The following SLC24A2 variants were observed in gnomAD, a reference collection of about 807,000 sequenced individuals.
The protein encoded by SLC24A2 is sodium/potassium/calcium exchanger 2.
SLC24A2 carries 36 observed loss-of-function variants against 62.0 expected under a neutral mutation model. The observed-to-expected ratio is 0.58, with a 90% CI of 0.44 to 0.77. SLC24A2 has a LOEUF of 0.77. SLC24A2 is among the 30% of genes least tolerant of loss of function. The probability of loss-of-function intolerance (pLI) is 0.00; values close to 1 mark genes in which losing one functional copy is unlikely to be tolerated. For missense variants in SLC24A2, 846 were observed against 817.9 expected (o/e 1.03, Z -0.42); for synonymous variants, 358 against 294.0 (o/e 1.22, Z -2.23).
chr9:19,761,363 G>C (rs957842469), intron 2 of SLC24A2, among the ~76,000 whole-genome samples: 13 of 152,166 alleles, frequency 8.5e-5, no homozygotes, highest in Non-Finnish European at 4.4e-5. Context: ...TAAGTGGCGT[G>C]AGATGGTATC....
At chr9:19,559,126 A>G (rs563223707) in intron 7 of SLC24A2, among the ~76,000 whole-genome samples, 42 of 152,358 alleles carry the variant, frequency 2.8e-4, no homozygotes, top group African/African-American at 1.0e-3. Context: ...ACACTCAAAC[A>G]TTCAAACAAA....
the SLC24A2 span, among the ~76,000 whole-genome samples, chr9:20,062,200 G>C: frequency 6.6e-6 from 1 of 152,190 alleles, no homozygotes; most frequent in South Asian, 2.1e-4. Flanking sequence ...CTGCACCTTA[G>C]CCTGCGTGAC....
the SLC24A2 span, among the ~76,000 whole-genome samples, chr9:20,131,843 G>C: frequency 6.6e-6 from 1 of 152,090 alleles, no homozygotes; most frequent in African/African-American, 2.4e-5. Flanking sequence ...CAGGTTTAGT[G>C]TCATAAGAGA....
At chr9:19,598,417 A>G (rs1038229507) in intron 4 of SLC24A2, among the ~76,000 whole-genome samples, 1 of 152,202 alleles carries the variant, frequency 6.6e-6, no homozygotes, top group African/African-American at 2.4e-5. Context: ...CGTGTATTTC[A>G]TATTTGTATG....
At chr9:20,138,868 C>T in the SLC24A2 span, among the ~76,000 whole-genome samples, 2 of 152,196 alleles carry the variant, frequency 1.3e-5, no homozygotes, top group Admixed American at 1.3e-4. Context: ...AGTCATTTCG[C>T]TCCCAGGCGA....
chr9:20,064,560 G>T, the SLC24A2 span, among the ~76,000 whole-genome samples: 1 of 152,126 alleles, frequency 6.6e-6, no homozygotes, highest in Non-Finnish European at 1.5e-5. Flanking sequence ...ATTTACACAG[G>T]CTACTGTGCT....
intron 10 of SLC24A2, among the ~76,000 whole-genome samples, chr9:19,520,081 G>A (rs1833116610): frequency 6.6e-6 from 1 of 152,100 alleles, no homozygotes; most frequent in Non-Finnish European, 1.5e-5. Flanking sequence ...AAAACAATAT[G>A]GTCATGGAAA....
At chr9:19,644,067 AC>A (rs1488414266) in intron 2 of SLC24A2, among the ~76,000 whole-genome samples, 1 of 152,258 alleles carries the variant, frequency 6.6e-6, no homozygotes, top group Non-Finnish European at 1.5e-5. Context: ...ATTCCTGTTC[AC>A]CTCAACATCT....
rs572919824 is a variant in SLC24A2 at position 19,525,391 on chromosome 9, C to CTTTTT, written c.1569+2653_1569+2657dup. 9.6e-3 allele frequency among the ~76,000 whole-genome samples: 736 copies of CTTTTT among 76,332 alleles called. 58 individuals are homozygous for CTTTTT. The highest frequency in any genetic ancestry group is 0.024 in the East Asian group (57 of 2,366). The allele number at this position is 76,332 out of a possible 152,430, so 50.1% of individuals were successfully genotyped here. On this transcript the variant is annotated intron_variant, in intron 9 of 10. Transcript: ENST00000341998. ...AAGGTTTTTTTTTCCTATTTCTTTA[C>CTTTTT]TTTTTTTTTTTTTTTTTTTTTTTTT...
chr9:20,151,747 T>C, the SLC24A2 span, among the ~76,000 whole-genome samples: 1 of 151,782 alleles, frequency 6.6e-6, no homozygotes, highest in Non-Finnish European at 1.5e-5. Flanking sequence ...AGAGTAGCTC[T>C]CAGCTCTCAA....
At chr9:19,649,099 T>A (rs1818728639) in intron 2 of SLC24A2, among the ~76,000 whole-genome samples, 1 of 149,354 alleles carries the variant, frequency 6.7e-6, no homozygotes, top group Non-Finnish European at 1.5e-5. Context: ...AGGTCAAGGA[T>A]CAGTCAGACC....
chr9:19,527,790 A>G (rs1833508531), intron 9 of SLC24A2, among the ~76,000 whole-genome samples: 1 of 152,170 alleles, frequency 6.6e-6, no homozygotes, highest in Non-Finnish European at 1.5e-5. Context: ...GGTGTCTGTC[A>G]GGCTGCAGAG....
At chr9:20,034,757 C>G in the SLC24A2 span, among the ~76,000 whole-genome samples, 2 of 152,120 alleles carry the variant, frequency 1.3e-5, no homozygotes, top group East Asian at 3.9e-4. Flanking sequence ...CGTGAGCCAC[C>G]GCGCCCGGCC....
the SLC24A2 span, among the ~76,000 whole-genome samples, chr9:19,985,819 A>G: frequency 6.6e-6 from 1 of 152,126 alleles, no homozygotes; most frequent in Admixed American, 6.5e-5. Context: ...TAAAACTATA[A>G]AACTCTTGGG....
chr9:20,210,886 T>C, the SLC24A2 span, among the ~76,000 whole-genome samples: 2 of 151,892 alleles, frequency 1.3e-5, no homozygotes, highest in Non-Finnish European at 2.9e-5. Context: ...AAATTTGACA[T>C]GTGATTATCA....
chr9:19,852,151 T>A, the SLC24A2 span, among the ~76,000 whole-genome samples: 1 of 152,216 alleles, frequency 6.6e-6, no homozygotes, highest in African/African-American at 2.4e-5. Context: ...TCTATTCATG[T>A]CCTTTGCCCA....
At chr9:20,260,643 T>C in the SLC24A2 span, among the ~76,000 whole-genome samples, 13 of 152,052 alleles carry the variant, frequency 8.5e-5, no homozygotes, top group African/African-American at 3.1e-4. Context: ...CTCCATTGCT[T>C]TTATTTTTTT....
chr9:19,932,158 G>C, the SLC24A2 span, among the ~76,000 whole-genome samples: 1 of 151,904 alleles, frequency 6.6e-6, no homozygotes, highest in African/African-American at 2.4e-5. Context: ...CCGAACCATA[G>C]GAGAAAAAGG....
chr9:19,563,731 T>C lies in SLC24A2; in HGVS notation c.1347+9620A>G, dbSNP rs1234869271. 1.7e-5 allele frequency among the ~76,000 whole-genome samples: 2 copies of C among 119,452 alleles called. 1 individual carries two copies. The highest frequency in any genetic ancestry group is 8.4e-5 in the African/African-American group (2 of 23,950). The allele number at this position is 119,452 out of a possible 152,430, so 78.4% of individuals were successfully genotyped here. ...CTTTTCCAACAATCTGTAACAAAAC[T>C]GTTGGTTTTTATAATGACCCTTCCT... On this transcript the variant is annotated intron_variant, in intron 7 of 10. Coordinates refer to ENST00000341998, the MANE Select transcript of SLC24A2 (RefSeq NM_020344.4).
Sources: gnomAD v4.1 joint callset for allele counts (sites outside exome capture counted in the v4.1 genomes callset) on GRCh38, gnomAD v4.1.1 for gene constraint, MANE v1.5 for transcripts, NCBI Gene and HGNC (gene_info 2026-07-23, HGNC 2026-07-21) for gene names.